The following FLRT2 variants were observed in gnomAD, a reference collection of about 807,000 sequenced individuals.
FLRT2 encodes the protein leucine-rich repeat transmembrane protein FLRT2.
Under a neutral mutation model 40.0 loss-of-function variants are expected in FLRT2, and 15 were observed. The observed-to-expected ratio is 0.38, with a 90% CI of 0.25 to 0.58. FLRT2 has a LOEUF of 0.58. Ranked by LOEUF, FLRT2 falls within the 20% of genes least tolerant of loss-of-function variation. The pLI is 0.71. For missense variants in FLRT2, 726 were observed against 840.0 expected (o/e 0.86, Z 1.68); for synonymous variants, 380 against 336.8 (o/e 1.13, Z -1.41).
intron 1 of FLRT2, among the ~76,000 whole-genome samples, chr14:85,573,276 C>A (rs1890979124): frequency 6.6e-6 from 1 of 152,086 alleles, no homozygotes; most frequent in South Asian, 2.1e-4. Flanking sequence ...ATCACACTCA[C>A]ACATCACACA....
intron 1 of FLRT2, among the ~76,000 whole-genome samples, chr14:85,599,758 T>C (rs1256488411): frequency 6.6e-6 from 1 of 152,120 alleles, no homozygotes; most frequent in Non-Finnish European, 1.5e-5. Context: ...CCTTTATCAG[T>C]TGATTAACAA....
intron 1 of FLRT2, among the ~76,000 whole-genome samples, chr14:85,556,204 C>T (rs1002757329): frequency 2.0e-5 from 3 of 151,984 alleles, no homozygotes; most frequent in Admixed American, 6.6e-5. Flanking sequence ...ATAGATTTTG[C>T]GAGAAAATGC....
In FLRT2 at chr14:85,622,498, C is replaced by A; in HGVS notation, c.984C>A (p.Ile328=). 1 of 1,613,992 alleles carries A rather than the reference C, an allele frequency of 6.2e-7. No individual in the cohort carries two copies. The highest frequency in any genetic ancestry group is 1.3e-5 in the African/African-American group (1 of 74,954). The change falls in exon 2 of 2, where the codon ATC becomes ATA. Residue 328 remains isoleucine, a synonymous_variant. Transcript: ENST00000330753. The part of the protein sequence containing the change: ...IKWVTEWLKY[I]PSSLNVRGFM... ...GGGTCACAGAATGGCTCAAATATATCCCTTCATCTCTCAACGTGCGGGGTT... is the reference window on the plus strand; with the variant it reads ...GGGTCACAGAATGGCTCAAATATATACCTTCATCTCTCAACGTGCGGGGTT...
At chr14:85,552,306 C>T (rs1022064832) in intron 1 of FLRT2, among the ~76,000 whole-genome samples, 1 of 152,142 alleles carries the variant, frequency 6.6e-6, no homozygotes, top group Non-Finnish European at 1.5e-5. Context: ...TGGCAAAGTA[C>T]TTAACCTATA....
chr14:85,641,115 G>A lies in FLRT2; in HGVS notation c.*17618G>A, dbSNP rs1297634342. Reference sequence around the variant, plus strand: ...TATTTCTGCGAAAACCCACGAAAGTGAAAACTAACAATAGAGAAGCCTTTT... The same window carrying A: ...TATTTCTGCGAAAACCCACGAAAGTAAAAACTAACAATAGAGAAGCCTTTT... On this transcript the variant is annotated 3_prime_UTR_variant, in exon 2 of 2. Transcript: ENST00000330753. The A allele has an allele frequency of 6.6e-6, 1 of 152,146 alleles. No individual in the cohort carries two copies. Among genetic ancestry groups the A allele is most frequent in the Non-Finnish European group, 1.5e-5 (1 of 68,016 alleles). 9.4% of individuals were successfully genotyped at this position (152,146 alleles called of 1,614,324 possible). A position where few individuals can be genotyped will look rare whatever the true frequency, so the allele number is the denominator to read the frequency against.
chr14:85,610,160 C>T (rs1167717425), intron 1 of FLRT2, among the ~76,000 whole-genome samples: 3 of 152,008 alleles, frequency 2.0e-5, no homozygotes, highest in Non-Finnish European at 2.9e-5. Context: ...TTAGTCAAAG[C>T]TGTATTTCTT....
At chr14:85,539,646 A>G (rs191488464) in intron 1 of FLRT2, among the ~76,000 whole-genome samples, 48 of 152,278 alleles carry the variant, frequency 3.2e-4, no homozygotes, top group Non-Finnish European at 4.6e-4. Flanking sequence ...TTTCCTCTCT[A>G]CAGAGTTCAA....
chr14:85,598,533 T>G (rs117112397), intron 1 of FLRT2, among the ~76,000 whole-genome samples: 8 of 152,306 alleles, frequency 5.3e-5, no homozygotes, highest in Non-Finnish European at 8.8e-5. Flanking sequence ...TATCAGCCCT[T>G]TATGTCCACT....
intron 1 of FLRT2, among the ~76,000 whole-genome samples, chr14:85,558,678 G>A (rs554080108): frequency 1.3e-5 from 2 of 152,290 alleles, no homozygotes; most frequent in South Asian, 4.1e-4. Flanking sequence ...GAGAGGGGAA[G>A]ATGTAATTGC....
intron 1 of FLRT2, among the ~76,000 whole-genome samples, chr14:85,614,246 A>G (rs1329705038): frequency 1.3e-5 from 2 of 152,188 alleles, no homozygotes; most frequent in Non-Finnish European, 1.5e-5. Context: ...GCTCTTGCTC[A>G]TAACACCTTT....
chr14:85,604,068 A>G (rs749226979), intron 1 of FLRT2, among the ~76,000 whole-genome samples: 28 of 152,162 alleles, frequency 1.8e-4, no homozygotes, highest in Non-Finnish European at 5.9e-5. Flanking sequence ...TCAGGAAGCC[A>G]TCCTACCTAA....
intron 1 of FLRT2, among the ~76,000 whole-genome samples, chr14:85,620,423 A>G (rs750472683): frequency 2.0e-5 from 3 of 152,182 alleles, no homozygotes; most frequent in Non-Finnish European, 4.4e-5. Context: ...AATAATCTTT[A>G]TCACCTTCAT....
chr14:85,531,607 G>A (rs1166626840), intron 1 of FLRT2, among the ~76,000 whole-genome samples: 11 of 152,162 alleles, frequency 7.2e-5, no homozygotes, highest in African/African-American at 2.7e-4. Flanking sequence ...GCCAGCGGCA[G>A]TTACTGGTGG....
rs1396063743 is a variant in FLRT2, at chr14:85,631,791, A to C, written c.*8294A>C. ...TACATTCATAGGATGTGCTGAGATA[A>C]CAATTAAAAAGACCTGAAGAACATC... On this transcript the variant is annotated 3_prime_UTR_variant, in exon 2 of 2. Transcript: ENST00000330753. 6.6e-6 allele frequency: 1 copy of C among 152,146 alleles called. No individual in the cohort carries two copies. Among genetic ancestry groups the C allele is most frequent in the African/African-American group, 2.4e-5 (1 of 41,446 alleles). 9.4% of individuals were successfully genotyped at this position (152,146 alleles called of 1,614,324 possible).
At chr14:85,543,123 A>G (rs1218494716) in intron 1 of FLRT2, among the ~76,000 whole-genome samples, 2 of 152,108 alleles carry the variant, frequency 1.3e-5, no homozygotes, top group African/African-American at 2.4e-5. Flanking sequence ...CCTTTGCTAT[A>G]CTCAGTGTGC....
chr14:85,606,910 C>T (rs1382767148), intron 1 of FLRT2, among the ~76,000 whole-genome samples: 1 of 151,600 alleles, frequency 6.6e-6, no homozygotes, highest in Middle Eastern at 3.2e-3. Flanking sequence ...CCCCCACACC[C>T]CCTGCCACCA....
At chr14:85,596,278 G>C (rs746385455) in intron 1 of FLRT2, among the ~76,000 whole-genome samples, 26 of 152,292 alleles carry the variant, frequency 1.7e-4, no homozygotes, top group South Asian at 4.1e-4. Context: ...GCGGATTTAG[G>C]TGCGGTCCAT....
rs575639505 is a variant in FLRT2 at position 85,646,164 on chromosome 14, A to C, written c.*22667A>C. The C allele has an allele frequency of 6.6e-6, 1 of 152,318 alleles. No individual in the cohort carries two copies. Among genetic ancestry groups the C allele is most frequent in the South Asian group, 2.1e-4 (1 of 4,830 alleles). The allele number at this position is 152,318 out of a possible 1,614,324, so 9.4% of individuals were successfully genotyped here. A position where few individuals can be genotyped will look rare whatever the true frequency, so the allele number is the denominator to read the frequency against. On this transcript the variant is annotated 3_prime_UTR_variant, in exon 2 of 2. Transcript: ENST00000330753. ...CAGGCCGGTAAGAGTCACTGTTATC[A>C]TTCACCACAAGTTGCCTGAAGCAAC...
At chr14:85,592,863 C>T (rs1687503436) in intron 1 of FLRT2, among the ~76,000 whole-genome samples, 1 of 151,354 alleles carries the variant, frequency 6.6e-6, no homozygotes, top group Non-Finnish European at 1.5e-5. Context: ...TACAGGATAC[C>T]ATGCAGAGTA....
Sources: allele counts gnomAD v4.1 joint callset (sites outside exome capture counted in the v4.1 genomes callset), GRCh38; gene constraint gnomAD v4.1.1; transcripts MANE v1.5; gene names NCBI Gene and HGNC (gene_info 2026-07-23, HGNC 2026-07-21).